Variants in ACVR2A observed in about 807,000 individuals in gnomAD.
ACVR2A encodes activin A receptor type 2A.
In ACVR2A, 7 loss-of-function variants were observed where a neutral mutation model predicts 61.4. The observed-to-expected ratio is 0.11, with a 90% CI of 0.06 to 0.21. The LOEUF (loss-of-function observed/expected upper bound fraction) is 0.21, where lower values mean the gene tolerates loss of function less well. Ranked by LOEUF, ACVR2A falls within the 10% of genes least tolerant of loss-of-function variation. ACVR2A has a pLI of 1.00. For missense variants in ACVR2A, 322 were observed against 621.7 expected (o/e 0.52, Z 5.13); for synonymous variants, 193 against 208.3 (o/e 0.93, Z 0.63).
chr2:147,914,949 TGTG>T (rs903805411), intron 4 of ACVR2A, among the ~76,000 whole-genome samples: 6 of 152,102 alleles, frequency 3.9e-5, no homozygotes, highest in Admixed American at 3.3e-4. Flanking sequence ...TCTTCTCTCC[TGTG>T]GTACATATAT....
chr2:147,920,191 T>C (rs375535810), intron 7 of ACVR2A, 39 bp from the exon 8 acceptor site: 33 of 1,383,490 alleles, frequency 2.4e-5, no homozygotes, highest in Non-Finnish European at 3.3e-5. Context: ...AAAAGGTAAC[T>C]AGTTTAAACT....
At chr2:147,891,665 A>G (rs1295433243) in intron 1 of ACVR2A, among the ~76,000 whole-genome samples, 1 of 152,220 alleles carries the variant, frequency 6.6e-6, no homozygotes, top group Non-Finnish European at 1.5e-5. Flanking sequence ...AATGCAACAT[A>G]ATCATGTTCA....
At chr2:147,876,664 T>G (rs1409427711) in intron 1 of ACVR2A, among the ~76,000 whole-genome samples, 1 of 152,196 alleles carries the variant, frequency 6.6e-6, no homozygotes, top group Non-Finnish European at 1.5e-5. Flanking sequence ...TCATTGCAGT[T>G]GTTTCCTCTT....
chr2:147,870,519 C>A (rs1460296360), intron 1 of ACVR2A, among the ~76,000 whole-genome samples: 1 of 152,144 alleles, frequency 6.6e-6, no homozygotes, highest in Non-Finnish European at 1.5e-5. Flanking sequence ...ACCCTGTGGG[C>A]TGCCCGGTAT....
Position 147,929,374 on chromosome 2 carries a change from A to AAAGTT in ACVR2A, c.*2103_*2107dup, listed in dbSNP as rs1687597262. The stretch of plus-strand genomic sequence containing the variant: ...TTGTGAACATTTAACTTTCTTTTTA[A>AAAGTT]AAGTTAAACAAAAATAAACAAGGGA... On this transcript the variant is annotated 3_prime_UTR_variant, in exon 11 of 11. Coordinates refer to ENST00000241416, the MANE Select transcript of ACVR2A (RefSeq NM_001616.5). 1 of 132,220 alleles carries AAAGTT rather than the reference A, an allele frequency of 7.6e-6. No homozygotes were observed. The highest frequency in any genetic ancestry group is 1.6e-5 in the Non-Finnish European group (1 of 60,870). 8.2% of individuals were successfully genotyped at this position (132,220 alleles called of 1,614,324 possible).
intron 1 of ACVR2A, among the ~76,000 whole-genome samples, chr2:147,858,725 A>G (rs1215662532): frequency 1.3e-5 from 2 of 152,182 alleles, no homozygotes; most frequent in African/African-American, 2.4e-5. Flanking sequence ...GCCAGATAGT[A>G]TTTTAGGCAG....
chr2:147,892,128 T>C (rs1360910981), intron 1 of ACVR2A, among the ~76,000 whole-genome samples: 1 of 151,904 alleles, frequency 6.6e-6, no homozygotes, highest in Admixed American at 6.6e-5. Context: ...CGCGCCACTA[T>C]GCCCAGCTAA....
Position 147,926,089 on chromosome 2 carries a change from T to G in ACVR2A, c.1275T>G (p.Leu425=). The change falls in exon 10 of 11, where the codon CTT becomes CTG. Residue 425 remains leucine (L), a synonymous_variant. Coordinates refer to ENST00000241416, the MANE Select transcript of ACVR2A (RefSeq NM_001616.5). ...FEEEIGQHPS[L]EDMQEVVVHK... Reference sequence around the variant, plus strand: ...AGGAAATTGGCCAGCATCCATCTCTTGAAGACATGCAGGAAGTTGTTGTGC... The same window carrying G: ...AGGAAATTGGCCAGCATCCATCTCTGGAAGACATGCAGGAAGTTGTTGTGC... 1 of 1,612,336 alleles carries G rather than the reference T, an allele frequency of 6.2e-7. No homozygotes were observed. The highest frequency in any genetic ancestry group is 8.5e-7 in the Non-Finnish European group (1 of 1,178,772).
intron 4 of ACVR2A, among the ~76,000 whole-genome samples, chr2:147,910,753 C>T (rs548870457): frequency 1.3e-5 from 2 of 152,232 alleles, no homozygotes; most frequent in South Asian, 4.1e-4. Flanking sequence ...TGTTCTCTAT[C>T]AGTGTCTGAG....
At chr2:147,844,797 T>A, upstream of ACVR2A, 1 of 181,080 alleles carries the variant, frequency 5.5e-6, no homozygotes, top group East Asian at 1.4e-4. Flanking sequence ...CGCCTCAGCC[T>A]GGCGTTTTGT....
At chr2:147,868,440 T>A (rs1685929297) in intron 1 of ACVR2A, among the ~76,000 whole-genome samples, 1 of 152,166 alleles carries the variant, frequency 6.6e-6, no homozygotes. Flanking sequence ...AAGATTTTTC[T>A]TTCCTTTTTT....
intron 7 of ACVR2A, among the ~76,000 whole-genome samples, chr2:147,919,410 G>A (rs1687327224): frequency 6.6e-6 from 1 of 152,134 alleles, no homozygotes; most frequent in African/African-American, 2.4e-5. Context: ...GTCACATAGG[G>A]AATTAATCCT....
chr2:147,845,232 T>G (rs1219331464), intron 1 of ACVR2A, 25 bp downstream of exon 1: 8 of 1,606,804 alleles, frequency 5.0e-6, no homozygotes, highest in Non-Finnish European at 6.8e-6. Context: ...CGCGGCGCGG[T>G]GGGGCTGCTC....
At chr2:147,848,125 A>C (rs761398024) in intron 1 of ACVR2A, among the ~76,000 whole-genome samples, 2 of 152,138 alleles carry the variant, frequency 1.3e-5, no homozygotes, top group Non-Finnish European at 2.9e-5. Context: ...CATTACAGAG[A>C]ATCTTTTGGG....
intron 1 of ACVR2A, among the ~76,000 whole-genome samples, chr2:147,865,610 A>T (rs1443675061): frequency 6.6e-6 from 1 of 152,186 alleles, no homozygotes; most frequent in Non-Finnish European, 1.5e-5. Flanking sequence ...CTGTTGAAGT[A>T]ATCCCATCTC....
In ACVR2A at chr2:147,918,558, C is replaced by T. The variant is rs754936786; in HGVS notation, c.928C>T (p.Leu310=). 1.2e-6 allele frequency: 2 copies of T among 1,609,636 alleles called. No homozygotes were observed. Among genetic ancestry groups the T allele is most frequent in the East Asian group, 2.2e-5 (1 of 44,598 alleles). ...LAYLHEDIPG[L]KDGHKPAISH... ...ATATTTACATGAGGATATACCTGGC[C>T]TAAAAGATGGCCACAAACCTGCCAT... The change falls in exon 7 of 11, where the codon CTA becomes TTA. Residue 310 remains leucine (L), a synonymous_variant. Coordinates refer to ENST00000241416, the MANE Select transcript of ACVR2A (RefSeq NM_001616.5).
chr2:147,847,039 A>C (rs188897752), intron 1 of ACVR2A, among the ~76,000 whole-genome samples: 126 of 152,124 alleles, frequency 8.3e-4, no homozygotes, highest in Non-Finnish European at 4.3e-4. Flanking sequence ...TGGTAGTAAA[A>C]ATAATTGAGC....
At chr2:147,854,165 A>G (rs1685511642) in intron 1 of ACVR2A, among the ~76,000 whole-genome samples, 1 of 152,212 alleles carries the variant, frequency 6.6e-6, no homozygotes, top group African/African-American at 2.4e-5. Context: ...TAAATGATAC[A>G]GCCAAAGAAC....
intron 1 of ACVR2A, among the ~76,000 whole-genome samples, chr2:147,864,508 G>C (rs531727614): frequency 9.9e-5 from 15 of 152,268 alleles, no homozygotes; most frequent in African/African-American, 3.6e-4. Context: ...GGGATTACAG[G>C]TGTGAGCCAC....
Sources: gnomAD v4.1 joint callset for allele counts (sites outside exome capture counted in the v4.1 genomes callset) on GRCh38, gnomAD v4.1.1 for gene constraint, MANE v1.5 for transcripts, NCBI Gene and HGNC (gene_info 2026-07-23, HGNC 2026-07-21) for gene names.